The following SEMA3D variants were observed in gnomAD, a reference collection of about 807,000 sequenced individuals.
The protein encoded by SEMA3D is semaphorin-3D.
In SEMA3D, 84 loss-of-function variants were observed where a neutral mutation model predicts 100.1. That is an observed-to-expected ratio of 0.84 (90% CI 0.70 to 1.01). The LOEUF (loss-of-function observed/expected upper bound fraction) is 1.01. Among genes scored for constraint, SEMA3D ranks in the 50% least tolerant of loss-of-function variants. SEMA3D has a pLI of 0.00. For synonymous variants in SEMA3D, 312 were observed against 320.7 expected, an observed-to-expected ratio of 0.97 and a Z score of 0.29; for missense variants, 875 against 934.1, an observed-to-expected ratio of 0.94 and a Z score of 0.82.
the SEMA3D span, among the ~76,000 whole-genome samples, chr7:85,227,758 A>G: frequency 6.6e-6 from 1 of 152,130 alleles, no homozygotes; most frequent in East Asian, 1.9e-4. Flanking sequence ...TTCATAAGTT[A>G]GAATTCTGTG....
chr7:85,216,803 A>T, the SEMA3D span, among the ~76,000 whole-genome samples: 2 of 151,756 alleles, frequency 1.3e-5, no homozygotes, highest in Admixed American at 6.6e-5. Flanking sequence ...AATTTATTGA[A>T]TTTTTTCTCA....
intron 10 of SEMA3D, chr7:85,041,802 G>A (rs1161009501): frequency 5.6e-6 from 1 of 179,336 alleles, no homozygotes; most frequent in African/African-American, 2.4e-5. Flanking sequence ...GCCAGCAGAG[G>A]GCACCCGTGG....
intron 12 of SEMA3D, among the ~76,000 whole-genome samples, chr7:85,032,061 C>G (rs1035097864): frequency 6.6e-6 from 1 of 151,870 alleles, no homozygotes; most frequent in African/African-American, 2.4e-5. Flanking sequence ...CCTCTTCATT[C>G]CACTGTTTTT....
intron 2 of SEMA3D, chr7:85,142,998 T>C (rs913917576): frequency 1.9e-5 from 19 of 976,516 alleles, no homozygotes; most frequent in Admixed American, 6.2e-5. Flanking sequence ...TTACTAAACT[T>C]TTTTATCTTT....
At chr7:85,055,645 CATATATATATATATAT>C (rs56131427) in intron 9 of SEMA3D, 56 bp downstream of exon 9, 52,528 of 159,976 alleles carry the variant, frequency 0.33, 6,714 homozygotes, top group Non-Finnish European at 0.39. Context: ...TTTTCATATA[CATATATATATATATAT>C]ATATATATAT....
At chr7:85,084,279 T>A (rs1171409081) in intron 4 of SEMA3D, among the ~76,000 whole-genome samples, 1 of 152,216 alleles carries the variant, frequency 6.6e-6, no homozygotes, top group Admixed American at 6.5e-5. Flanking sequence ...TAATTTTGGT[T>A]AAAAACGCAT....
chr7:85,185,331 G>A (rs1250712108), intron 1 of SEMA3D, among the ~76,000 whole-genome samples: 1 of 151,054 alleles, frequency 6.6e-6, no homozygotes, highest in Non-Finnish European at 1.5e-5. Flanking sequence ...CCTCCCCCTC[G>A]TCTCTGCGCG....
chr7:85,192,977 A>G, the SEMA3D span, among the ~76,000 whole-genome samples: 1 of 152,180 alleles, frequency 6.6e-6, no homozygotes, highest in African/African-American at 2.4e-5. Flanking sequence ...TAAGAAAAGA[A>G]GATAATTACA....
intron 6 of SEMA3D, among the ~76,000 whole-genome samples, 165 bp downstream of exon 6, chr7:85,072,797 C>T (rs1475239764): frequency 6.6e-6 from 1 of 152,034 alleles, no homozygotes; most frequent in Non-Finnish European, 1.5e-5. Context: ...CTCAAGGGAC[C>T]CTCTGACTTC....
At chr7:85,168,521 G>A (rs967915516) in intron 1 of SEMA3D, among the ~76,000 whole-genome samples, 1 of 151,220 alleles carries the variant, frequency 6.6e-6, no homozygotes, top group Admixed American at 6.6e-5. Flanking sequence ...AGAGGCTTCA[G>A]TTGTAATCTC....
chr7:85,220,330 C>CTTTTTTTT, the SEMA3D span, among the ~76,000 whole-genome samples: 3 of 134,920 alleles, frequency 2.2e-5, no homozygotes, highest in African/African-American at 2.7e-5. Context: ...TTTCAGGTTC[C>CTTTTTTTT]TTTTTTTTTT....
Position 85,089,098 on chromosome 7 carries a change from G to A in SEMA3D, c.313-7519C>T, listed in dbSNP as rs569229167. Among the ~76,000 whole-genome samples, 43 of 152,154 alleles carry A rather than the reference G, an allele frequency of 2.8e-4. 1 individual carries two copies. The highest frequency in any genetic ancestry group is 6.2e-4 in the South Asian group (3 of 4,818). On this transcript the variant is annotated intron_variant, in intron 4 of 18. Coordinates refer to ENST00000284136, the MANE Select transcript of SEMA3D (RefSeq NM_001384900.1). ...CGTGAATGTGAGTCCCTACTGCATC[G>A]CCGCTTGGTTTGTGACCTTAGGTAG...
chr7:85,043,593 G>A (rs1057330853), intron 9 of SEMA3D, among the ~76,000 whole-genome samples: 1 of 152,090 alleles, frequency 6.6e-6, no homozygotes, highest in Non-Finnish European at 1.5e-5. Context: ...GTTTGGCTCT[G>A]TGTCCCGACC....
In SEMA3D at chr7:85,186,974, A is replaced by G. The variant is rs1791575460; in HGVS notation, c.-469T>C. ...CTTTGGGGAGGAGAGGGTGGCGAGG[A>G]AAGGCACGCTCCAAACAGGAGGGCG... On this transcript the variant is annotated 5_prime_UTR_variant, in exon 1 of 19. Coordinates refer to ENST00000284136, the MANE Select transcript of SEMA3D (RefSeq NM_001384900.1). The G allele has an allele frequency of 1.3e-5, 2 of 153,148 alleles. No homozygotes were observed. Among genetic ancestry groups the G allele is most frequent in the Non-Finnish European group, 2.9e-5 (2 of 68,964 alleles). 9.5% of individuals were successfully genotyped at this position (153,148 alleles called of 1,614,324 possible).
intron 1 of SEMA3D, among the ~76,000 whole-genome samples, chr7:85,160,247 G>A (rs1019043223): frequency 2.0e-5 from 3 of 152,012 alleles, no homozygotes; most frequent in African/African-American, 7.2e-5. Flanking sequence ...ATGGTTAAGA[G>A]ATGGATGAAC....
intron 1 of SEMA3D, among the ~76,000 whole-genome samples, chr7:85,169,071 TTATAC>T (rs1791012940): frequency 6.6e-6 from 1 of 151,670 alleles, no homozygotes; most frequent in Non-Finnish European, 1.5e-5. Context: ...CATTATTTTC[TTATAC>T]TATGAGTCCA....
chr7:85,196,055 T>C, the SEMA3D span, among the ~76,000 whole-genome samples: 2 of 152,216 alleles, frequency 1.3e-5, no homozygotes, highest in Non-Finnish European at 2.9e-5. Context: ...TAACCAAAGA[T>C]GCTATTTAAA....
At chr7:85,169,711 T>C (rs1447798191) in intron 1 of SEMA3D, among the ~76,000 whole-genome samples, 2 of 151,778 alleles carry the variant, frequency 1.3e-5, no homozygotes, top group Admixed American at 1.3e-4. Flanking sequence ...AACAAAAATA[T>C]TTTACTGATG....
chr7:85,111,386 C>T (rs1030228015), intron 3 of SEMA3D, among the ~76,000 whole-genome samples: 6 of 152,012 alleles, frequency 3.9e-5, no homozygotes, highest in African/African-American at 1.4e-4. Context: ...CGACTTCTTC[C>T]ACAGTATTTC....
Sources: allele counts gnomAD v4.1 joint callset (sites outside exome capture counted in the v4.1 genomes callset), GRCh38; gene constraint gnomAD v4.1.1; transcripts MANE v1.5; gene names NCBI Gene and HGNC (gene_info 2026-07-23, HGNC 2026-07-21).